The following WAC variants were observed in gnomAD, a reference collection of about 807,000 sequenced individuals.
WAC encodes WW domain-containing adapter protein with coiled-coil.
In WAC, 11 loss-of-function variants were observed where a neutral mutation model predicts 79.6. That is an observed-to-expected ratio of 0.14 (90% CI 0.09 to 0.23). The LOEUF is 0.23. WAC is among the 10% of genes least tolerant of loss of function. The probability of loss-of-function intolerance (pLI) is 1.00; values close to 1 mark genes in which losing one functional copy is unlikely to be tolerated. For synonymous variants in WAC, 304 were observed against 276.9 expected, an observed-to-expected ratio of 1.10 and a Z score of -0.97; for missense variants, 728 against 773.5, an observed-to-expected ratio of 0.94 and a Z score of 0.70.
At chr10:28,560,084 G>A (rs1309790825) in intron 3 of WAC, among the ~76,000 whole-genome samples, 1 of 152,180 alleles carries the variant, frequency 6.6e-6, no homozygotes, top group East Asian at 1.9e-4. Context: ...GCTCATGCTT[G>A]TAATCCCAGC....
chr10:28,606,210 C>T (rs561979107), intron 7 of WAC, among the ~76,000 whole-genome samples: 2 of 152,280 alleles, frequency 1.3e-5, no homozygotes, highest in East Asian at 3.9e-4. Context: ...GCCACCACAG[C>T]TGGCTAATTT....
At chr10:28,565,487 C>T (rs1011916258) in intron 3 of WAC, among the ~76,000 whole-genome samples, 1 of 152,218 alleles carries the variant, frequency 6.6e-6, no homozygotes, top group Non-Finnish European at 1.5e-5. Context: ...ATCCTCTTGC[C>T]TCAGCCTCTG....
intron 4 of WAC, among the ~76,000 whole-genome samples, chr10:28,584,939 G>A (rs551011303): frequency 6.6e-6 from 1 of 152,158 alleles, no homozygotes; most frequent in South Asian, 2.1e-4. Context: ...ATGGTGGCAA[G>A]CACCTGTAAT....
rs568222019 is a variant in WAC at position 28,598,281 on chromosome 10, G to A, written c.919+2240G>A. Reference sequence around the variant, plus strand: ...TGTTTTACTAGCTTGGTCTCCATCCGTTGCACTCTTAATTCTCTGTAATTC... The same window carrying A: ...TGTTTTACTAGCTTGGTCTCCATCCATTGCACTCTTAATTCTCTGTAATTC... On this transcript the variant is annotated intron_variant, in intron 7 of 13. Transcript: ENST00000354911. Among the ~76,000 whole-genome samples the A allele has an allele frequency of 1.7e-3, 266 of 152,262 alleles. 3 individuals are homozygous for A. Among genetic ancestry groups the A allele is most frequent in the South Asian group, 0.015 (73 of 4,828 alleles).
chr10:28,558,709 T>G (rs1838133483), intron 3 of WAC, among the ~76,000 whole-genome samples: 3 of 152,218 alleles, frequency 2.0e-5, no homozygotes, highest in African/African-American at 7.2e-5. Context: ...AATAGTGAGT[T>G]TGCTTTACAG....
intron 7 of WAC, among the ~76,000 whole-genome samples, chr10:28,597,449 T>C (rs939516891): frequency 1.3e-5 from 2 of 152,214 alleles, no homozygotes; most frequent in Non-Finnish European, 2.9e-5. Context: ...TTTGTACATT[T>C]AACACTTTTT....
At chr10:28,552,534 G>T (rs975183865) in intron 3 of WAC, among the ~76,000 whole-genome samples, 1 of 152,138 alleles carries the variant, frequency 6.6e-6, no homozygotes, top group Non-Finnish European at 1.5e-5. Context: ...CCCTTAATTG[G>T]TTGGCCTTTG....
In WAC at chr10:28,543,648, A is replaced by G. The variant is rs553270383; in HGVS notation, c.274+7891A>G. ...AAATGCCATATTTATGCAAAGCAAG[A>G]TTGGAGTTAATGGGTCCTTGAGCTA... On this transcript the variant is annotated intron_variant, in intron 3 of 13. Transcript: ENST00000354911. Among the ~76,000 whole-genome samples the G allele has an allele frequency of 3.5e-4, 53 of 152,352 alleles. No individual in the cohort carries two copies. The East Asian group carries it at 6.7e-3, about 19-fold the overall frequency.
chr10:28,549,250 A>T (rs1416964641), intron 3 of WAC, among the ~76,000 whole-genome samples: 1 of 152,014 alleles, frequency 6.6e-6, no homozygotes, highest in East Asian at 1.9e-4. Flanking sequence ...TGCTGTTTTA[A>T]TCTCATGCTT....
intron 3 of WAC, among the ~76,000 whole-genome samples, chr10:28,551,100 T>C (rs1410073189): frequency 1.3e-5 from 2 of 152,112 alleles, no homozygotes; most frequent in African/African-American, 4.8e-5. Context: ...GGTAGAATAA[T>C]AGGGGGGATA....
intron 3 of WAC, among the ~76,000 whole-genome samples, chr10:28,563,074 A>G (rs952938362): frequency 2.6e-5 from 4 of 152,032 alleles, no homozygotes; most frequent in East Asian, 3.9e-4. Context: ...CTTTTATTCA[A>G]TTTTATTTTT....
At chr10:28,536,976 C>T (rs1836713848) in intron 3 of WAC, among the ~76,000 whole-genome samples, 1 of 152,110 alleles carries the variant, frequency 6.6e-6, no homozygotes, top group African/African-American at 2.4e-5. Flanking sequence ...AAAAAAATAC[C>T]TTGCATCTTG....
chr10:28,548,604 CTT>C (rs1416523194), intron 3 of WAC, among the ~76,000 whole-genome samples: 1 of 151,990 alleles, frequency 6.6e-6, no homozygotes, highest in Non-Finnish European at 1.5e-5. Flanking sequence ...TAGAAATACT[CTT>C]GAGAATTTGG....
rs1452472127 is a variant in WAC, at chr10:28,603,928, C to T, written c.920-4258C>T. Among the ~76,000 whole-genome samples the T allele has an allele frequency of 8.4e-5, 5 of 59,322 alleles. No homozygotes were observed. In the Admixed American group the frequency reaches 9.2e-4, roughly 11 times the overall value. The allele number at this position is 59,322 out of a possible 152,430, so 38.9% of individuals were successfully genotyped here. A position where few individuals can be genotyped will look rare whatever the true frequency, so the allele number is the denominator to read the frequency against. On this transcript the variant is annotated intron_variant, in intron 7 of 13. Transcript: ENST00000354911. ...CAGCCTGGGTGACAGAGCAAGACTC[C>T]GTCTCAAAAAAAAAATATATATATG...
intron 3 of WAC, among the ~76,000 whole-genome samples, chr10:28,579,903 A>G (rs1271366917): frequency 2.0e-5 from 3 of 152,192 alleles, no homozygotes; most frequent in Non-Finnish European, 4.4e-5. Context: ...TTCTAGTTGG[A>G]ATGTAAAGAT....
At chr10:28,551,820 T>TGTGTGTGTG (rs1564380042) in intron 3 of WAC, among the ~76,000 whole-genome samples, 3 of 53,756 alleles carry the variant, frequency 5.6e-5, no homozygotes, top group East Asian at 6.9e-4. Flanking sequence ...GTGTGTGTGT[T>TGTGTGTGTG]TCTTTTTTTT....
Position 28,622,247 on chromosome 10 carries a change from A to G in WAC, c.*2641A>G, listed in dbSNP as rs796408974. On this transcript the variant is annotated 3_prime_UTR_variant, in exon 14 of 14. Coordinates refer to ENST00000354911, the MANE Select transcript of WAC (RefSeq NM_016628.5). ...ATTTTAAATATTGCACCTTAATACA[A>G]GGTATCCAGCTCCTAACCTTAACTA... is the stretch of plus-strand genomic sequence containing the variant. The G allele has an allele frequency of 6.6e-6, 1 of 152,184 alleles. No homozygotes were observed. Among genetic ancestry groups the G allele is most frequent in the African/African-American group, 2.4e-5 (1 of 41,446 alleles). 9.4% of individuals were successfully genotyped at this position (152,184 alleles called of 1,614,324 possible). A position where few individuals can be genotyped will look rare whatever the true frequency, so the allele number is the denominator to read the frequency against.
At chr10:28,586,578 T>C (rs1839831798) in intron 4 of WAC, among the ~76,000 whole-genome samples, 1 of 152,076 alleles carries the variant, frequency 6.6e-6, no homozygotes, top group Non-Finnish European at 1.5e-5. Context: ...CCCAACTACT[T>C]GGAAGGCTGA....
At chr10:28,534,118 G>A in intron 2 of WAC, 84 bp downstream of exon 2, 3 of 1,341,630 alleles carry the variant, frequency 2.2e-6, no homozygotes, top group South Asian at 1.4e-5. Flanking sequence ...GGCCTCAGAA[G>A]TCGATACAGG....
Sources: allele counts gnomAD v4.1 joint callset (sites outside exome capture counted in the v4.1 genomes callset), GRCh38; gene constraint gnomAD v4.1.1; transcripts MANE v1.5; gene names NCBI Gene and HGNC (gene_info 2026-07-23, HGNC 2026-07-21).